GP6: variants seen among roughly 807,000 people sequenced by gnomAD.
GP6 encodes glycoprotein VI platelet, also known as platelet glycoprotein VI.
A neutral mutation model predicts 37.3 loss-of-function variants in GP6; 45 were observed. The observed-to-expected ratio is 1.21, with a 90% CI of 0.95 to 1.55. The LOEUF is 1.55. Among genes scored for constraint, GP6 ranks in the 40% most tolerant of loss-of-function variants. The pLI, the probability that GP6 is intolerant of heterozygous loss-of-function variation, is 0.00. For synonymous variants in GP6, 340 were observed against 316.4 expected (o/e 1.07, Z -0.79); for missense variants, 813 against 760.2 (o/e 1.07, Z -0.82).
intron 6 of GP6, among the ~76,000 whole-genome samples, chr19:55,016,488 G>C (rs925566950): frequency 1.3e-5 from 2 of 149,632 alleles, no homozygotes; most frequent in Non-Finnish European, 3.0e-5. Context: ...CGATTCTCCT[G>C]CCTCAGCCTC....
chr19:55,026,408 A>G (rs1447941939), intron 4 of GP6, among the ~76,000 whole-genome samples: 2 of 150,686 alleles, frequency 1.3e-5, no homozygotes, highest in Non-Finnish European at 2.9e-5. Context: ...GACATTAGAT[A>G]CCTCCTTTGA....
chr19:55,032,374 G>C lies in GP6; in HGVS notation c.90C>G (p.Leu30=). ...GCACCAGGGAGCTGGGCAGAGCCTG[G>C]AGGGAGGGCTTGGGGAGCGGTCCTG... Residue 30 remains leucine (L), a synonymous_variant, in exon 3 of 8, where the codon CTC becomes CTG. Coordinates refer to ENST00000310373, the MANE Select transcript of GP6 (RefSeq NM_001083899.2). 1 of 1,613,570 alleles carries C rather than the reference G, an allele frequency of 6.2e-7. No homozygotes were observed. The highest frequency in any genetic ancestry group is 1.3e-5 in the African/African-American group (1 of 75,064).
At chr19:55,034,611 G>C (rs2074756208) in intron 1 of GP6, among the ~76,000 whole-genome samples, 1 of 151,498 alleles carries the variant, frequency 6.6e-6, no homozygotes, top group South Asian at 2.1e-4. Context: ...AACAGAGCAA[G>C]ACCCTGTCTC....
intron 5 of GP6, among the ~76,000 whole-genome samples, chr19:55,022,813 G>A (rs1218673346): frequency 6.6e-6 from 1 of 152,124 alleles, no homozygotes; most frequent in Non-Finnish European, 1.5e-5. Context: ...GAAAGTGAAG[G>A]ACATCTTCAA....
intron 1 of GP6, among the ~76,000 whole-genome samples, chr19:55,037,758 CG>C (rs1168850369): frequency 6.7e-6 from 1 of 149,864 alleles, no homozygotes; most frequent in Non-Finnish European, 1.5e-5. Context: ...CAGCCTCCCA[CG>C]TAGCTGGGAT....
chr19:55,028,465 A>G (rs1258926927), intron 3 of GP6, among the ~76,000 whole-genome samples: 1 of 152,182 alleles, frequency 6.6e-6, no homozygotes, highest in Non-Finnish European at 1.5e-5. Flanking sequence ...ACTGCAGTGT[A>G]CAGCTGAAAT....
intron 3 of GP6, 46 bp downstream of exon 3, chr19:55,032,093 G>C (rs748329408): frequency 6.3e-7 from 1 of 1,597,802 alleles, no homozygotes. Flanking sequence ...TTTGTGTCCT[G>C]AACGGAGGAC....
At position 55,038,193 on chromosome 19, in the gene GP6, C is replaced by T. The variant is rs1428212512; in HGVS notation, c.34+10G>A. On this transcript the variant is annotated intron_variant, in intron 1 of 7. Coordinates refer to ENST00000310373, the MANE Select transcript of GP6 (RefSeq NM_001083899.2). ...TTCAGCATTTCCCAGATCTGACCCT[C>T]AGGACTCACCAAGACAGAAGAGGGC... 6.3e-7 allele frequency: 1 copy of T among 1,586,056 alleles called. No individual in the cohort carries two copies. The highest frequency in any genetic ancestry group is 2.3e-5 in the East Asian group (1 of 44,238).
At chr19:55,020,817 G>A (rs377553790) in intron 5 of GP6, among the ~76,000 whole-genome samples, 2 of 151,966 alleles carry the variant, frequency 1.3e-5, no homozygotes, top group African/African-American at 2.4e-5. Context: ...TTGGGAGGCC[G>A]AGGTGGGCAG....
intron 3 of GP6, among the ~76,000 whole-genome samples, chr19:55,030,488 G>A (rs553345987): frequency 5.3e-5 from 8 of 151,954 alleles, no homozygotes; most frequent in Admixed American, 2.0e-4. Context: ...ACAGGAGTGC[G>A]CCACCGCGCC....
rs140336414 is a variant in GP6, at chr19:55,018,773, A to G, written c.665-62T>C. On this transcript the variant is annotated intron_variant, in intron 5 of 7. Coordinates refer to ENST00000310373, the MANE Select transcript of GP6 (RefSeq NM_001083899.2). ...TTCCCTATATCCTCTAGATATCTCCATTCCCCTTTTGAGATATCTAGGCTC... is the reference window on the plus strand; with the variant it reads ...TTCCCTATATCCTCTAGATATCTCCGTTCCCCTTTTGAGATATCTAGGCTC... The G allele has an allele frequency of 5.0e-5, 55 of 1,099,162 alleles. No homozygotes were observed. The Admixed American group carries it at 5.2e-4, about 10-fold the overall frequency. The allele number at this position is 1,099,162 out of a possible 1,614,324, so 68.1% of individuals were successfully genotyped here.
rs201166741 is a variant in GP6 at position 55,027,741 on chromosome 19, C to T, written c.447G>A (p.Gly149=). The change falls in exon 4 of 8, where the codon GGG becomes GGA. Residue 149 remains glycine, a synonymous_variant. Coordinates refer to ENST00000310373, the MANE Select transcript of GP6 (RefSeq NM_001083899.2). ...CGGGATTCTTGTAGGGCGCAGGGTC[C>T]CCTTCCTTGTACAGAGCAAATTGGT... is the stretch of plus-strand genomic sequence containing the variant. 6 of 1,613,912 alleles carry T rather than the reference C, an allele frequency of 3.7e-6. No homozygotes were observed. The highest frequency in any genetic ancestry group is 4.5e-5 in the East Asian group (2 of 44,886).
At chr19:55,018,886 A>C in intron 5 of GP6, 175 bp from the exon 6 acceptor site, 2 of 675,064 alleles carry the variant, frequency 3.0e-6, no homozygotes, top group Non-Finnish European at 5.5e-6. Context: ...TGACCGGCTT[A>C]GTAAGAAGCA....
chr19:55,035,799 G>T (rs2074808336), intron 1 of GP6, among the ~76,000 whole-genome samples: 1 of 152,122 alleles, frequency 6.6e-6, no homozygotes, highest in African/African-American at 2.4e-5. Context: ...TTTTGGCCAG[G>T]CACAGTGGCT....
rs62122011 is a variant in GP6 at position 55,032,939 on chromosome 19, G to A, written c.35-401C>T. On this transcript the variant is annotated intron_variant, in intron 1 of 7. Transcript: ENST00000310373. ...GGCTCGTTCGTGTTAGACACGGTGG[G>A]CTCGTTCGTGTTAGACACGGTGGAC... is the stretch of plus-strand genomic sequence containing the variant. 476 of 240,122 alleles carry A rather than the reference G, an allele frequency of 2.0e-3. 15 individuals carry two copies. The highest frequency in any genetic ancestry group is 5.3e-3 in the South Asian group (118 of 22,086). The allele number at this position is 240,122 out of a possible 1,614,324, so 14.9% of individuals were successfully genotyped here. A position where few individuals can be genotyped will look rare whatever the true frequency, so the allele number is the denominator to read the frequency against.
At chr19:55,024,397 T>G (rs1056689301) in intron 5 of GP6, among the ~76,000 whole-genome samples, 7 of 106,170 alleles carry the variant, frequency 6.6e-5, no homozygotes, top group Non-Finnish European at 1.3e-4. Flanking sequence ...ATCTTCCATG[T>G]CCCTGCCCAC....
chr19:55,033,119 T>A (rs111971852), intron 1 of GP6, among the ~76,000 whole-genome samples: 3 of 66,982 alleles, frequency 4.5e-5, no homozygotes, highest in African/African-American at 4.6e-5. Context: ...TTAGACACGG[T>A]GGGTTCGTTC....
rs772641061 is a variant in GP6 at position 55,027,843 on chromosome 19, C to T, written c.345G>A (p.Ser115=). 22 of 1,613,994 alleles carry T rather than the reference C, an allele frequency of 1.4e-5. No individual in the cohort carries two copies. In the South Asian group the frequency reaches 2.4e-4, roughly 18 times the overall value. The change falls in exon 4 of 8, where the codon TCG becomes TCA. Residue 115 remains serine, a synonymous_variant. Coordinates refer to ENST00000310373, the MANE Select transcript of GP6 (RefSeq NM_001083899.2). ...CCGCCGGGCCGGGCTGGGCTGAGAG[C>T]GAGGGTTTGGCAAAAACTCCTGGGA...
chr19:55,032,460 C>T lies in GP6; in HGVS notation c.67+46G>A, dbSNP rs528065959. On this transcript the variant is annotated intron_variant, in intron 2 of 7. Transcript: ENST00000310373. ...CCCCGCCTGGACCCCGCTGCTCCCG[C>T]GCTGGCGGATCCCGCAGGAGGGAAG... 84 of 1,613,418 alleles carry T rather than the reference C, an allele frequency of 5.2e-5. No homozygotes were observed. The Middle Eastern group carries it at 1.3e-3, about 26-fold the overall frequency.
Sources: gnomAD v4.1 joint callset for allele counts (sites outside exome capture counted in the v4.1 genomes callset) on GRCh38, gnomAD v4.1.1 for gene constraint, MANE v1.5 for transcripts, NCBI Gene and HGNC (gene_info 2026-07-23, HGNC 2026-07-21) for gene names.